The following ME1 variants were observed in gnomAD, a reference collection of about 807,000 sequenced individuals.
ME1 encodes malic enzyme 1, also known as NADP-dependent malic enzyme.
ME1 carries 74 observed loss-of-function variants against 66.4 expected under a neutral mutation model. The observed-to-expected ratio is 1.11, with a 90% CI of 0.92 to 1.35. The LOEUF (loss-of-function observed/expected upper bound fraction) is 1.35. Ranked by LOEUF, ME1 falls within the 40% of genes most tolerant of loss-of-function variation. The pLI, the probability that ME1 is intolerant of heterozygous loss-of-function variation, is 0.00. For missense variants in ME1, 750 were observed against 694.1 expected (o/e 1.08, Z -0.90); for synonymous variants, 251 against 235.6 (o/e 1.07, Z -0.60).
At chr6:83,332,674 A>T (rs1583386650) in intron 5 of ME1, among the ~76,000 whole-genome samples, 1 of 152,332 alleles carries the variant, frequency 6.6e-6, no homozygotes, top group Non-Finnish European at 1.5e-5. Context: ...CAAATACTGC[A>T]TATTTTCACT....
At chr6:83,322,358 G>A (rs942059708) in intron 5 of ME1, among the ~76,000 whole-genome samples, 1 of 152,132 alleles carries the variant, frequency 6.6e-6, no homozygotes, top group East Asian at 1.9e-4. Flanking sequence ...AAACTTCTCT[G>A]AGCTAAAGGA....
intron 1 of ME1, among the ~76,000 whole-genome samples, chr6:83,423,507 CAA>C (rs35710313): frequency 0.043 from 6,576 of 151,992 alleles, 469 homozygotes; most frequent in African/African-American, 0.15. Context: ...CAGTTAAAAA[CAA>C]AAGTTAGGGC....
intron 5 of ME1, among the ~76,000 whole-genome samples, chr6:83,324,850 T>A (rs1477877076): frequency 1.3e-5 from 2 of 151,750 alleles, no homozygotes; most frequent in African/African-American, 4.8e-5. Context: ...GAAGGGCTCC[T>A]CTCTAACTCA....
chr6:83,352,009 T>G, intron 4 of ME1, 55 bp downstream of exon 4: 1 of 1,100,908 alleles, frequency 9.1e-7, no homozygotes, highest in South Asian at 1.4e-5. Flanking sequence ...TTAAACTGTT[T>G]TATGGGACAG....
intron 3 of ME1, among the ~76,000 whole-genome samples, chr6:83,381,370 T>C (rs1284433070): frequency 6.6e-6 from 1 of 151,944 alleles, no homozygotes; most frequent in East Asian, 1.9e-4. Flanking sequence ...TAAAATGAAC[T>C]ATATTAAGCC....
chr6:83,239,428 G>A, intron 8 of ME1, 111 bp downstream of exon 8: 1 of 695,154 alleles, frequency 1.4e-6, no homozygotes, highest in Non-Finnish European at 2.5e-6. Flanking sequence ...AAAGCCTACA[G>A]TCATAATATA....
intron 5 of ME1, among the ~76,000 whole-genome samples, chr6:83,330,522 A>T (rs182406191): frequency 2.7e-4 from 41 of 152,314 alleles, no homozygotes; most frequent in Non-Finnish European, 4.7e-4. Context: ...TTCTTAACAC[A>T]TGCCCCTGAT....
intron 6 of ME1, among the ~76,000 whole-genome samples, chr6:83,281,838 AAAGAAAAC>A (rs1767298568): frequency 7.0e-6 from 1 of 141,966 alleles, no homozygotes; most frequent in African/African-American, 2.6e-5. Flanking sequence ...AAAAAAAAGA[AAAGAAAAC>A]AAAAAAGAGA....
intron 5 of ME1, among the ~76,000 whole-genome samples, chr6:83,316,341 T>C (rs1277808480): frequency 6.6e-6 from 1 of 152,150 alleles, no homozygotes; most frequent in Non-Finnish European, 1.5e-5. Flanking sequence ...TAAATCAGTT[T>C]TGAAATTGAG....
intron 3 of ME1, among the ~76,000 whole-genome samples, chr6:83,389,055 G>C: frequency 6.6e-6 from 1 of 152,106 alleles, no homozygotes; most frequent in East Asian, 1.9e-4. Context: ...GGAGACAGAG[G>C]TTGCAGTGAG....
At position 83,216,614 on chromosome 6, in the gene ME1, G is replaced by T; in HGVS notation, c.1450-18C>A. On this transcript the variant is annotated intron_variant, in intron 12 of 13. Coordinates refer to ENST00000369705, the MANE Select transcript of ME1 (RefSeq NM_002395.6). ...GCTATAACCTTATGAAAAAAAGAAA[G>T]AAAAAAAGTGTTTATACTTCACACG... 1 of 1,539,446 alleles carries T rather than the reference G, an allele frequency of 6.5e-7. No homozygotes were observed. The highest frequency in any genetic ancestry group is 8.8e-7 in the Non-Finnish European group (1 of 1,136,028).
chr6:83,216,490 G>C lies in ME1; in HGVS notation c.1548+8C>G. ...AAAATAATGAAGCTTGAACAAGAGT[G>C]GTTTTACCTTTTCTGCAATTTTCAG... is the stretch of plus-strand genomic sequence containing the variant. On this transcript the variant is annotated splice_region_variant and intron_variant, in intron 13 of 13. Transcript: ENST00000369705. The C allele has an allele frequency of 6.4e-7, 1 of 1,556,700 alleles. No individual in the cohort carries two copies. Among genetic ancestry groups the C allele is most frequent in the Non-Finnish European group, 8.8e-7 (1 of 1,137,676 alleles).
intron 6 of ME1, among the ~76,000 whole-genome samples, chr6:83,271,119 G>A (rs892370071): frequency 5.9e-5 from 9 of 151,752 alleles, no homozygotes; most frequent in Non-Finnish European, 7.4e-5. Flanking sequence ...GTCTCAAGAC[G>A]AATGGGCCCA....
At chr6:83,340,403 A>G (rs16884118) in intron 5 of ME1, among the ~76,000 whole-genome samples, 2,500 of 152,312 alleles carry the variant, frequency 0.016, 63 homozygotes, top group East Asian at 0.061. Flanking sequence ...ATAGATTTCA[A>G]ACATTATTTC....
intron 5 of ME1, among the ~76,000 whole-genome samples, chr6:83,343,647 C>G (rs1417544810): frequency 1.3e-5 from 2 of 152,094 alleles, no homozygotes; most frequent in African/African-American, 4.8e-5. Flanking sequence ...AAAGCTAGAT[C>G]TACAGCTGGT....
chr6:83,251,906 G>T (rs1396732777), intron 7 of ME1, among the ~76,000 whole-genome samples: 1 of 152,068 alleles, frequency 6.6e-6, no homozygotes, highest in East Asian at 1.9e-4. Context: ...AACTATCTCT[G>T]TTCACCACAA....
chr6:83,339,990 A>C (rs1370989616), intron 5 of ME1, among the ~76,000 whole-genome samples: 1 of 125,886 alleles, frequency 7.9e-6, no homozygotes, highest in Non-Finnish European at 1.7e-5. Context: ...AAGAAAAGAA[A>C]AGAAATGTGA....
chr6:83,261,640 C>T (rs976343166), intron 6 of ME1, among the ~76,000 whole-genome samples: 2 of 151,878 alleles, frequency 1.3e-5, no homozygotes, highest in Non-Finnish European at 2.9e-5. Flanking sequence ...TGCGGGTTTC[C>T]AGTTAAACAG....
intron 1 of ME1, among the ~76,000 whole-genome samples, chr6:83,421,600 C>CT (rs1262013058): frequency 6.6e-6 from 1 of 152,088 alleles, no homozygotes; most frequent in Non-Finnish European, 1.5e-5. Flanking sequence ...TATGGCCTGG[C>CT]TTTTTTTTCT....
Sources: gnomAD v4.1 joint callset for allele counts (sites outside exome capture counted in the v4.1 genomes callset) on GRCh38, gnomAD v4.1.1 for gene constraint, MANE v1.5 for transcripts, NCBI Gene and HGNC (gene_info 2026-07-23, HGNC 2026-07-21) for gene names.